Variants in TAFA2 observed in about 807,000 individuals in gnomAD.
TAFA2 encodes the protein chemokine-like protein TAFA-2.
A neutral mutation model predicts 18.8 loss-of-function variants in TAFA2; 7 were observed. The ratio of observed to expected loss-of-function variants is 0.37; its 90% CI spans 0.21 to 0.70. TAFA2 has a LOEUF of 0.70. Ranked by LOEUF, TAFA2 falls within the 30% of genes least tolerant of loss-of-function variation. The pLI is 0.53. For synonymous variants in TAFA2, 60 were observed against 54.2 expected (o/e 1.11, Z -0.47); for missense variants, 122 against 158.1 (o/e 0.77, Z 1.23).
At chr12:61,869,951 T>C (rs1046785911) in intron 1 of TAFA2, among the ~76,000 whole-genome samples, 1 of 152,160 alleles carries the variant, frequency 6.6e-6, no homozygotes, top group Non-Finnish European at 1.5e-5. Context: ...GATAATAGCT[T>C]CTCCTTAGCA....
chr12:61,763,046 C>T (rs1310453719), intron 2 of TAFA2, among the ~76,000 whole-genome samples: 1 of 152,022 alleles, frequency 6.6e-6, no homozygotes, highest in Non-Finnish European at 1.5e-5. Flanking sequence ...TAATTTCTCA[C>T]TTTAATTCAT....
chr12:61,791,815 T>C (rs1470825378), intron 2 of TAFA2, among the ~76,000 whole-genome samples: 1 of 151,640 alleles, frequency 6.6e-6, no homozygotes. Flanking sequence ...TGGGAGTTCC[T>C]CAAAAAATTA....
intron 1 of TAFA2, among the ~76,000 whole-genome samples, chr12:62,099,618 A>C (rs1055499041): frequency 1.3e-5 from 2 of 152,178 alleles, no homozygotes; most frequent in Non-Finnish European, 2.9e-5. Context: ...AATGCAGTAA[A>C]ATCTCATTGA....
At chr12:62,060,444 T>A (rs1045600949) in intron 1 of TAFA2, among the ~76,000 whole-genome samples, 3 of 152,252 alleles carry the variant, frequency 2.0e-5, no homozygotes, top group Non-Finnish European at 2.9e-5. Context: ...ACAAACTTAC[T>A]GTGTTGCCAG....
chr12:61,974,806 A>G lies in TAFA2; in HGVS notation c.-1-107380T>C, dbSNP rs1439373018. Among the ~76,000 whole-genome samples the G allele has an allele frequency of 2.0e-5, 3 of 151,870 alleles. No homozygotes were observed. In the East Asian group the frequency reaches 5.8e-4, roughly 30 times the overall value. On this transcript the variant is annotated intron_variant, in intron 1 of 4. Coordinates refer to ENST00000416284, the MANE Select transcript of TAFA2 (RefSeq NM_178539.5). ...TGCTACAAAAAGGAGGGGGAAGAGT[A>G]AGGTCTTTTTTAACTTTTGTAAATT...
intron 1 of TAFA2, among the ~76,000 whole-genome samples, chr12:62,216,348 C>G (rs1324515385): frequency 2.0e-5 from 3 of 152,136 alleles, no homozygotes; most frequent in African/African-American, 7.2e-5. Context: ...TGAAACTGCT[C>G]CTTCCCAAGA....
At chr12:62,248,835 T>C (rs2062898628) in intron 1 of TAFA2, among the ~76,000 whole-genome samples, 1 of 152,180 alleles carries the variant, frequency 6.6e-6, no homozygotes, top group Non-Finnish European at 1.5e-5. Flanking sequence ...ATTAACATTG[T>C]TGTGCACCCA....
intron 1 of TAFA2, among the ~76,000 whole-genome samples, chr12:62,102,615 A>C (rs933473873): frequency 6.6e-6 from 1 of 152,154 alleles, no homozygotes; most frequent in Non-Finnish European, 1.5e-5. Context: ...ACTACTTCCT[A>C]AACAGCAGTG....
At chr12:62,188,661 C>CA (rs1382280539) in intron 1 of TAFA2, among the ~76,000 whole-genome samples, 6 of 151,996 alleles carry the variant, frequency 3.9e-5, no homozygotes, top group Non-Finnish European at 7.4e-5. Flanking sequence ...TATTTTAACA[C>CA]AAAAATACAT....
At chr12:62,153,313 A>C (rs1170801220) in intron 1 of TAFA2, among the ~76,000 whole-genome samples, 2 of 152,194 alleles carry the variant, frequency 1.3e-5, no homozygotes, top group African/African-American at 4.8e-5. Context: ...AAAATGTTCC[A>C]ATCTAATTAG....
Position 61,708,605 on chromosome 12 carries a change from T to C in TAFA2, c.*1801A>G, listed in dbSNP as rs1188202632. 1.3e-5 allele frequency: 2 copies of C among 152,064 alleles called. No individual in the cohort carries two copies. Among genetic ancestry groups the C allele is most frequent in the Non-Finnish European group, 2.9e-5 (2 of 67,994 alleles). The allele number at this position is 152,064 out of a possible 1,614,324, so 9.4% of individuals were successfully genotyped here. Reference sequence around the variant, plus strand: ...ACTTTTTTTTTATAATTTCATATAGTCTTGAGCCATTGTGAAAATCCACTC... The same window carrying C: ...ACTTTTTTTTTATAATTTCATATAGCCTTGAGCCATTGTGAAAATCCACTC... On this transcript the variant is annotated 3_prime_UTR_variant, in exon 5 of 5. Coordinates refer to ENST00000416284, the MANE Select transcript of TAFA2 (RefSeq NM_178539.5).
chr12:61,880,744 C>A, intron 1 of TAFA2: 2 of 379,954 alleles, frequency 5.3e-6, no homozygotes, highest in South Asian at 4.5e-5. Flanking sequence ...AAGCTTGTGT[C>A]TGAGTCCTCT....
At chr12:62,203,826 C>T (rs942047223) in intron 1 of TAFA2, among the ~76,000 whole-genome samples, 1 of 152,054 alleles carries the variant, frequency 6.6e-6, no homozygotes, top group African/African-American at 2.4e-5. Context: ...GGCATTTAGC[C>T]CATTTACGTT....
chr12:61,984,403 T>G (rs539050205), intron 1 of TAFA2, among the ~76,000 whole-genome samples: 1 of 152,230 alleles, frequency 6.6e-6, no homozygotes, highest in African/African-American at 2.4e-5. Flanking sequence ...CACCCTGCCA[T>G]GCTGAACACT....
rs189237062 is a variant in TAFA2 at position 61,820,933 on chromosome 12, T to A, written c.106+46387A>T. On this transcript the variant is annotated intron_variant, in intron 2 of 4. Coordinates refer to ENST00000416284, the MANE Select transcript of TAFA2 (RefSeq NM_178539.5). ...AAAATATTTGATTACATTGGACAGG[T>A]GTATCCATAATCAATGGACAGATGT... 1.6e-3 allele frequency among the ~76,000 whole-genome samples: 241 copies of A among 152,182 alleles called. 1 individual carries two copies. Among genetic ancestry groups the A allele is most frequent in the African/African-American group, 5.6e-3 (231 of 41,576 alleles).
chr12:62,226,358 T>TA (rs2062786585), intron 1 of TAFA2, among the ~76,000 whole-genome samples: 1 of 152,124 alleles, frequency 6.6e-6, no homozygotes, highest in Non-Finnish European at 1.5e-5. Context: ...CACGCCTGGC[T>TA]AATTTTGTTT....
At chr12:61,745,859 C>T (rs1868681337) in intron 4 of TAFA2, among the ~76,000 whole-genome samples, 2 of 151,984 alleles carry the variant, frequency 1.3e-5, no homozygotes, top group East Asian at 3.9e-4. Context: ...CAAAAGAGCC[C>T]ACAAGAGAAA....
intron 1 of TAFA2, among the ~76,000 whole-genome samples, chr12:62,054,741 G>T (rs765650978): frequency 6.6e-5 from 10 of 152,012 alleles, no homozygotes; most frequent in Non-Finnish European, 1.3e-4. Flanking sequence ...AATATATAAC[G>T]CTTGGGTACA....
intron 1 of TAFA2, among the ~76,000 whole-genome samples, chr12:62,086,830 T>C (rs1177079629): frequency 1.3e-5 from 2 of 152,130 alleles, no homozygotes; most frequent in Non-Finnish European, 2.9e-5. Flanking sequence ...CAGTTATCTA[T>C]ACACCTATAT....
Sources: gnomAD v4.1 joint callset for allele counts (sites outside exome capture counted in the v4.1 genomes callset) on GRCh38, gnomAD v4.1.1 for gene constraint, MANE v1.5 for transcripts, NCBI Gene and HGNC (gene_info 2026-07-23, HGNC 2026-07-21) for gene names.